Variants in EFCAB6 observed in about 807,000 individuals in gnomAD.
EFCAB6 encodes EF-hand calcium binding domain 6.
Under a neutral mutation model 169.8 loss-of-function variants are expected in EFCAB6, and 156 were observed. The ratio of observed to expected loss-of-function variants is 0.92; its 90% CI spans 0.81 to 1.05. The LOEUF (loss-of-function observed/expected upper bound fraction) is 1.05. Ranked by LOEUF, EFCAB6 falls within the 50% of genes least tolerant of loss-of-function variation. EFCAB6 has a pLI of 0.00. For synonymous variants in EFCAB6, 698 were observed against 676.4 expected, an observed-to-expected ratio of 1.03 and a Z score of -0.50; for missense variants, 1,800 against 1,829.1, an observed-to-expected ratio of 0.98 and a Z score of 0.29.
At chr22:43,678,917 A>C (rs1024217317) in intron 12 of EFCAB6, among the ~76,000 whole-genome samples, 1 of 152,242 alleles carries the variant, frequency 6.6e-6, no homozygotes, top group Admixed American at 6.5e-5. Flanking sequence ...TTGGGGGTCC[A>C]AAATCTGAAA....
intron 15 of EFCAB6, among the ~76,000 whole-genome samples, chr22:43,671,069 C>T (rs908929763): frequency 6.6e-6 from 1 of 152,218 alleles, no homozygotes; most frequent in Non-Finnish European, 1.5e-5. Context: ...CCAGGCAGCC[C>T]AGCTGCACAG....
intron 4 of EFCAB6, among the ~76,000 whole-genome samples, chr22:43,766,019 C>G (rs1240352653): frequency 6.6e-6 from 1 of 152,084 alleles, no homozygotes; most frequent in East Asian, 1.9e-4. Context: ...AACTTCCCCT[C>G]AAGTGTTTTT....
rs145854428 is a variant in EFCAB6, at chr22:43,769,553, C to A, written c.351+3339G>T. On this transcript the variant is annotated intron_variant, in intron 4 of 31. Coordinates refer to ENST00000262726, the MANE Select transcript of EFCAB6 (RefSeq NM_022785.4). ...CAATAAAGGGTGATGTGGAAAAAAT[C>A]AAATGCACTATTTTATCCATTATTA... Among the ~76,000 whole-genome samples, 616 of 152,176 alleles carry A rather than the reference C, an allele frequency of 4.0e-3. 3 individuals are homozygous for A. Among genetic ancestry groups the A allele is most frequent in the Middle Eastern group, 0.014 (4 of 294 alleles).
chr22:43,737,174 A>G (rs738412), intron 6 of EFCAB6, among the ~76,000 whole-genome samples: 133,411 of 152,022 alleles, frequency 0.88, 58,580 homozygotes, highest in East Asian at 0.99. Flanking sequence ...GAGAATGGGC[A>G]CACCTCCCTG....
chr22:43,534,097 T>C (rs1214020902), intron 30 of EFCAB6, among the ~76,000 whole-genome samples: 2 of 152,206 alleles, frequency 1.3e-5, no homozygotes, highest in Non-Finnish European at 2.9e-5. Context: ...ATGGTTTGAC[T>C]CTGTGTCTCC....
At chr22:43,546,708 C>T in intron 27 of EFCAB6, among the ~76,000 whole-genome samples, 1 of 151,924 alleles carries the variant, frequency 6.6e-6, no homozygotes, top group Non-Finnish European at 1.5e-5. Flanking sequence ...CCCGTCTCTA[C>T]TAAAAATACA....
chr22:43,649,277 C>T (rs1209112382), intron 17 of EFCAB6, among the ~76,000 whole-genome samples: 2 of 152,126 alleles, frequency 1.3e-5, no homozygotes, highest in African/African-American at 4.8e-5. Context: ...GAACAAATCG[C>T]AGTGGCAAAT....
intron 27 of EFCAB6, among the ~76,000 whole-genome samples, chr22:43,551,619 T>A (rs1310895357): frequency 1.3e-5 from 2 of 152,176 alleles, no homozygotes. Context: ...CACTTAGGTA[T>A]GAAGCCCAGC....
intron 26 of EFCAB6, among the ~76,000 whole-genome samples, chr22:43,566,188 T>C (rs997125290): frequency 2.6e-5 from 4 of 152,166 alleles, no homozygotes; most frequent in Non-Finnish European, 5.9e-5. Flanking sequence ...GCCCAGGTTA[T>C]TGCCTGATGG....
At position 43,716,922 on chromosome 22, in the gene EFCAB6, G is replaced by A. The variant is rs775280175; in HGVS notation, c.808C>T (p.Leu270=). The A allele has an allele frequency of 2.5e-6, 4 of 1,581,594 alleles. No homozygotes were observed. Among genetic ancestry groups the A allele is most frequent in the East Asian group, 2.3e-5 (1 of 43,368 alleles). The change falls in exon 9 of 32, where the codon CTA becomes TTA. Residue 270 remains leucine (L), a synonymous_variant. Transcript: ENST00000262726. ...ATATCTTCAGATGATGCAGAACCTA[G>A]CAAACGTTCCTTTTTGGAATTTTTG... ...QAKNSKKERL[L]GSASSEDIWR... is the part of the protein sequence containing the mutation.
At chr22:43,789,562 G>A (rs1392263607) in intron 2 of EFCAB6, among the ~76,000 whole-genome samples, 2 of 152,156 alleles carry the variant, frequency 1.3e-5, no homozygotes, top group Non-Finnish European at 2.9e-5. Context: ...CCAGGCTCAC[G>A]CCCCCACTGT....
chr22:43,575,453 C>T (rs1303124559), intron 26 of EFCAB6, among the ~76,000 whole-genome samples: 1 of 150,840 alleles, frequency 6.6e-6, no homozygotes, highest in Non-Finnish European at 1.5e-5. Context: ...GGTGATCTGC[C>T]CACCTCGGCC....
chr22:43,633,641 T>C (rs1227251365), intron 18 of EFCAB6, among the ~76,000 whole-genome samples: 1 of 152,190 alleles, frequency 6.6e-6, no homozygotes, highest in East Asian at 1.9e-4. Context: ...AGTGTGACCT[T>C]GTGTCAAAGC....
chr22:43,732,642 T>C (rs1004319713), intron 7 of EFCAB6, among the ~76,000 whole-genome samples: 1 of 151,966 alleles, frequency 6.6e-6, no homozygotes, highest in Non-Finnish European at 1.5e-5. Context: ...AATTTTTGTA[T>C]TTTTAGTAGA....
chr22:43,585,531 GAAAT>G (rs950695976), intron 24 of EFCAB6, among the ~76,000 whole-genome samples: 1 of 152,020 alleles, frequency 6.6e-6, no homozygotes, highest in Non-Finnish European at 1.5e-5. Flanking sequence ...AAGAGAAAGA[GAAAT>G]AAGCAAACAA....
In EFCAB6 at chr22:43,716,842, T is replaced by A; in HGVS notation, c.882+6A>T. 1 of 1,599,572 alleles carries A rather than the reference T, an allele frequency of 6.3e-7. No homozygotes were observed. The highest frequency in any genetic ancestry group is 8.5e-7 in the Non-Finnish European group (1 of 1,174,330). ...TAGGTAATTGTGGCTTAGGAAAACA[T>A]CTTACTTGTAGACAAAAGTTCCTCT... On this transcript the variant is annotated splice_donor_region_variant and intron_variant, in intron 9 of 31. Coordinates refer to ENST00000262726, the MANE Select transcript of EFCAB6 (RefSeq NM_022785.4).
intron 8 of EFCAB6, 128 bp from the exon 9 acceptor site, chr22:43,717,100 C>CATTA: frequency 8.3e-7 from 1 of 1,207,418 alleles, no homozygotes; most frequent in Non-Finnish European, 1.1e-6. Context: ...AATGATGAAC[C>CATTA]ATCTGATTAA....
chr22:43,793,492 G>C (rs2062385158), intron 2 of EFCAB6, among the ~76,000 whole-genome samples: 1 of 152,220 alleles, frequency 6.6e-6, no homozygotes, highest in South Asian at 2.1e-4. Flanking sequence ...GTAGGCCACT[G>C]CAGGCATTGG....
intron 17 of EFCAB6, among the ~76,000 whole-genome samples, chr22:43,636,392 C>A (rs539444998): frequency 1.3e-5 from 2 of 152,092 alleles, no homozygotes; most frequent in South Asian, 2.1e-4. Flanking sequence ...ATGGTCACTG[C>A]GCAGCACCCC....
Sources: gnomAD v4.1 joint callset for allele counts (sites outside exome capture counted in the v4.1 genomes callset) on GRCh38, gnomAD v4.1.1 for gene constraint, MANE v1.5 for transcripts, NCBI Gene and HGNC (gene_info 2026-07-23, HGNC 2026-07-21) for gene names.